The following TNRC18 variants were observed in gnomAD, a reference collection of about 807,000 sequenced individuals.
The protein encoded by TNRC18 is trinucleotide repeat containing 18, also known as trinucleotide repeat-containing gene 18 protein.
A neutral mutation model predicts 226.7 loss-of-function variants in TNRC18; 69 were observed. The observed-to-expected ratio is 0.30, with a 90% CI of 0.25 to 0.37. The LOEUF (loss-of-function observed/expected upper bound fraction) is 0.37, where lower values mean the gene tolerates loss of function less well. Ranked by LOEUF, TNRC18 falls within the 10% of genes least tolerant of loss-of-function variation. The probability of loss-of-function intolerance (pLI) is 1.00; values close to 1 mark genes in which losing one functional copy is unlikely to be tolerated. For missense variants in TNRC18, 4,754 were observed against 4,256.6 expected (o/e 1.12, Z -3.25); for synonymous variants, 2,449 against 1,927.6 (o/e 1.27, Z -7.09).
In TNRC18 at chr7:5,394,210, G is replaced by T. The variant is rs1409705227; in HGVS notation, c.343+230C>A. Among the ~76,000 whole-genome samples, 1 of 152,134 alleles carries T rather than the reference G, an allele frequency of 6.6e-6. No individual in the cohort carries two copies. The highest frequency in any genetic ancestry group is 2.4e-5 in the African/African-American group (1 of 41,406). On this transcript the variant is annotated intron_variant, in intron 3 of 29. Coordinates refer to ENST00000430969, the MANE Select transcript of TNRC18 (RefSeq NM_001080495.3). This position sits in a 1 kb window ranked among gnomAD's most constrained non-coding sequence, Gnocchi z 4.5. ...CTGAGCCGGAGGAGGACTGGAAGGT[G>T]GTCTGTGGCATGGGGTGTCAGGCTG...
At chr7:5,403,514 C>T (rs1008281804) in intron 2 of TNRC18, among the ~76,000 whole-genome samples, 20 of 152,062 alleles carry the variant, frequency 1.3e-4, no homozygotes, top group African/African-American at 3.1e-4. Flanking sequence ...TCCCAGACTG[C>T]GGTGTGGTGG....
rs368867399 is a variant in TNRC18 at position 5,325,230 on chromosome 7, C to G, written c.6166G>C (p.Ala2056Pro). 6.4e-6 allele frequency: 10 copies of G among 1,553,360 alleles called. No homozygotes were observed. Among genetic ancestry groups the G allele is most frequent in the Admixed American group, 3.9e-5 (2 of 51,542 alleles). ...DPRKKKKGKE[A>P]GPGAGLPPPR... ...GGCGGCAGCCCAGCTCCTGGCCCAG[C>G]CTCTTTCCCTTTCTTCTTCTGGAGG... Residue 2056 changes from alanine (A) to proline (P), a missense_variant, in exon 20 of 30, where the codon GCT becomes CCT. By Grantham distance (27) the Ala-to-Pro change is conservative (BLOSUM62 -1). Transcript: ENST00000430969.
At chr7:5,314,729 T>C (rs1210810216) in intron 26 of TNRC18, among the ~76,000 whole-genome samples, 1 of 152,046 alleles carries the variant, frequency 6.6e-6, no homozygotes, top group East Asian at 1.9e-4. Context: ...CTCACCACCA[T>C]GCCCAGCTAA....
chr7:5,362,740 C>G lies in TNRC18; in HGVS notation c.4305G>C (p.Gly1435=). ...GGTTCTTGAGTGGGTCCACCACGGGCCCATCCAGCACCTCCCTCAGCATGT... is the reference window on the plus strand; with the variant it reads ...GGTTCTTGAGTGGGTCCACCACGGGGCCATCCAGCACCTCCCTCAGCATGT... ...GSHMLREVLD[G]PVVDPLKNLR... Residue 1435 remains glycine, a synonymous_variant, in exon 12 of 30, where the codon GGG becomes GGC. Coordinates refer to ENST00000430969, the MANE Select transcript of TNRC18 (RefSeq NM_001080495.3). 6.4e-7 allele frequency: 1 copy of G among 1,573,024 alleles called. No homozygotes were observed. The highest frequency in any genetic ancestry group is 8.6e-7 in the Non-Finnish European group (1 of 1,159,800).
chr7:5,388,988 G>C lies in TNRC18; in HGVS notation c.836C>G (p.Ser279Trp), dbSNP rs1360480232. 7.3e-7 allele frequency: 1 copy of C among 1,372,140 alleles called. No homozygotes were observed. Among genetic ancestry groups the C allele is most frequent in the East Asian group, 3.6e-5 (1 of 27,670 alleles). 85.0% of individuals were successfully genotyped at this position (1,372,140 alleles called of 1,614,324 possible). A position where few individuals can be genotyped will look rare whatever the true frequency, so the allele number is the denominator to read the frequency against. Reference sequence around the variant, plus strand: ...GCCGCCGTTGCACATGGTCAGTACCGACGGCTGCAGCGCCGCATTCTTGGT... The same window carrying C: ...GCCGCCGTTGCACATGGTCAGTACCCACGGCTGCAGCGCCGCATTCTTGGT... ...SKTKNAALQPSVLTMCNGGAG... is the reference protein window; with the variant it reads ...SKTKNAALQPWVLTMCNGGAG... Residue 279 changes from serine (S) to tryptophan (W), a missense_variant, in exon 5 of 30, where the codon TCG becomes TGG. Transcript: ENST00000430969.
At chr7:5,366,579 C>T (rs1223801516) in intron 11 of TNRC18, among the ~76,000 whole-genome samples, 1 of 152,100 alleles carries the variant, frequency 6.6e-6, no homozygotes, top group East Asian at 1.9e-4. Flanking sequence ...CTGCCTTGGC[C>T]TCCCAAAGTG....
intron 18 of TNRC18, among the ~76,000 whole-genome samples, chr7:5,345,105 CAA>C (rs1431137787): frequency 6.6e-6 from 1 of 152,192 alleles, no homozygotes; most frequent in Non-Finnish European, 1.5e-5. Flanking sequence ...CACCATCCCA[CAA>C]AGTCTGAATG....
In TNRC18 at chr7:5,359,545, T is replaced by G; in HGVS notation, c.4686A>C (p.Thr1562=). Residue 1562 remains threonine (T), a synonymous_variant, in exon 15 of 30, where the codon ACA becomes ACC. Coordinates refer to ENST00000430969, the MANE Select transcript of TNRC18 (RefSeq NM_001080495.3). ...CTGCTCCCAGCTCATAATCATCTGA[T>G]GTCAGCAGAGACTTGCTGCTCAGCC... ...SGKLSSKSLL[T]SDDYELGAGI... 1 of 1,613,994 alleles carries G rather than the reference T, an allele frequency of 6.2e-7. No homozygotes were observed. Among genetic ancestry groups the G allele is most frequent in the Admixed American group, 1.7e-5 (1 of 60,020 alleles).
chr7:5,392,483 G>T (rs1302022353), intron 3 of TNRC18, among the ~76,000 whole-genome samples: 1 of 151,760 alleles, frequency 6.6e-6, no homozygotes, highest in East Asian at 1.9e-4. Context: ...GCGTGGTGGC[G>T]CACGCCTGTA....
intron 24 of TNRC18, among the ~76,000 whole-genome samples, chr7:5,317,252 C>A (rs1403701919): frequency 2.6e-5 from 4 of 151,952 alleles, no homozygotes; most frequent in African/African-American, 9.7e-5. Context: ...ACAGCACCAG[C>A]AAGCAGAAGG....
chr7:5,406,260 G>A (rs1326137431), intron 2 of TNRC18, among the ~76,000 whole-genome samples: 1 of 151,556 alleles, frequency 6.6e-6, no homozygotes, highest in Non-Finnish European at 1.5e-5. Context: ...GTCAGGAGTT[G>A]GAGACCAGCC....
intron 11 of TNRC18, among the ~76,000 whole-genome samples, chr7:5,366,393 T>C (rs1446208436): frequency 8.0e-6 from 1 of 125,500 alleles, no homozygotes; most frequent in Non-Finnish European, 1.6e-5. Context: ...CAGTGACCAA[T>C]CTTGGCTCAT....
intron 19 of TNRC18, among the ~76,000 whole-genome samples, chr7:5,326,191 G>A (rs1185761491): frequency 2.0e-5 from 3 of 151,450 alleles, no homozygotes; most frequent in African/African-American, 7.3e-5. Context: ...CTTTCCACAA[G>A]CACACACAAC....
rs1271354341 is a variant in TNRC18, at chr7:5,362,752, C to T, written c.4293G>A (p.Glu1431=). The T allele has an allele frequency of 3.8e-6, 6 of 1,572,750 alleles. No individual in the cohort carries two copies. In the South Asian group the frequency reaches 7.0e-5, roughly 18 times the overall value. ...LLAAGSHMLR[E]VLDGPVVDPL... is the part of the protein sequence containing the mutation. ...GGTCCACCACGGGCCCATCCAGCAC[C>T]TCCCTCAGCATGTGGCTGCCAGCTG... is the stretch of plus-strand genomic sequence containing the variant. Residue 1431 remains glutamate (E), a synonymous_variant, in exon 12 of 30, where the codon GAG becomes GAA. Coordinates refer to ENST00000430969, the MANE Select transcript of TNRC18 (RefSeq NM_001080495.3).
Position 5,387,667 on chromosome 7 carries a change from C to T in TNRC18, c.2152+5G>A. On this transcript the variant is annotated splice_donor_5th_base_variant and intron_variant, in intron 5 of 29. Coordinates refer to ENST00000430969, the MANE Select transcript of TNRC18 (RefSeq NM_001080495.3). ...ACCCGCACCTGGGCTCTGCCCAGGACCTACCTTTGACGTTACTCAGCGACA... is the reference window on the plus strand; with the variant it reads ...ACCCGCACCTGGGCTCTGCCCAGGATCTACCTTTGACGTTACTCAGCGACA... 1 of 1,603,080 alleles carries T rather than the reference C, an allele frequency of 6.2e-7. No homozygotes were observed. Among genetic ancestry groups the T allele is most frequent in the African/African-American group, 1.3e-5 (1 of 75,054 alleles).
At chr7:5,385,494 CAAAAAAA>C (rs60919833) in intron 5 of TNRC18, among the ~76,000 whole-genome samples, 43 of 88,116 alleles carry the variant, frequency 4.9e-4, no homozygotes, top group Middle Eastern at 8.3e-3. Context: ...GACTCCGTCT[CAAAAAAA>C]AAAAAAAAAA....
chr7:5,334,504 A>C (rs1789889217), intron 18 of TNRC18, among the ~76,000 whole-genome samples: 2 of 147,628 alleles, frequency 1.4e-5, no homozygotes, highest in South Asian at 4.3e-4. Context: ...TCACCGTGTT[A>C]GGCAGGCTGG....
intron 3 of TNRC18, among the ~76,000 whole-genome samples, chr7:5,391,242 G>A (rs569552289): frequency 2.0e-5 from 3 of 151,822 alleles, no homozygotes; most frequent in East Asian, 3.9e-4. Context: ...GATCCTCCCC[G>A]CCTCCCCAAA....
rs1417819672 is a variant in TNRC18, at chr7:5,309,586, C to CT, written c.8389-219dup. Among the ~76,000 whole-genome samples, 5 of 152,258 alleles carry CT rather than the reference C, an allele frequency of 3.3e-5. No individual in the cohort carries two copies. The highest frequency in any genetic ancestry group is 1.2e-4 in the African/African-American group (5 of 41,476). ...GTCTCCAAGAGGCGCTTCCCTTGAT[C>CT]TAAGCATTCTGCCGCTACAAGACTT... On this transcript the variant is annotated intron_variant, in intron 27 of 29. Transcript: ENST00000430969. The surrounding 1 kb of genome is among the most constrained non-coding windows in gnomAD (Gnocchi z 5.7).
Sources: gnomAD v4.1 joint callset for allele counts (sites outside exome capture counted in the v4.1 genomes callset) on GRCh38, gnomAD v4.1.1 for gene constraint, Gnocchi (gnomAD v3.1) non-coding constraint, MANE v1.5 for transcripts, NCBI Gene and HGNC (gene_info 2026-07-23, HGNC 2026-07-21) for gene names.